Variants in MGAT4C observed in about 807,000 individuals in gnomAD.
MGAT4C encodes the protein MGAT4 family member C.
In MGAT4C, 19 loss-of-function variants were observed where a neutral mutation model predicts 40.1. The observed-to-expected ratio is 0.47, with a 90% CI of 0.33 to 0.70. The LOEUF is 0.70. Ranked by LOEUF, MGAT4C falls within the 30% of genes least tolerant of loss-of-function variation. The pLI is 0.02. For missense variants in MGAT4C, 491 were observed against 563.2 expected (o/e 0.87, Z 1.30); for synonymous variants, 181 against 187.1 (o/e 0.97, Z 0.27).
chr12:86,658,651 C>G (rs1027863488), intron 2 of MGAT4C, among the ~76,000 whole-genome samples: 2 of 152,108 alleles, frequency 1.3e-5, no homozygotes, highest in African/African-American at 2.4e-5. Flanking sequence ...CTCACAAACT[C>G]TCTCTTCTAC....
intron 3 of MGAT4C, among the ~76,000 whole-genome samples, chr12:86,396,754 A>G (rs1192249352): frequency 2.0e-5 from 3 of 152,126 alleles, no homozygotes; most frequent in Non-Finnish European, 2.9e-5. Flanking sequence ...ATAAAATTAG[A>G]AGTAATTGAC....
intron 1 of MGAT4C, among the ~76,000 whole-genome samples, chr12:86,209,135 T>C (rs1225191400): frequency 6.6e-6 from 1 of 152,116 alleles, no homozygotes; most frequent in Non-Finnish European, 1.5e-5. Flanking sequence ...AAATGGATGA[T>C]ATTCTTTGCA....
chr12:86,598,444 A>C (rs1168280144), intron 2 of MGAT4C, among the ~76,000 whole-genome samples: 1 of 152,148 alleles, frequency 6.6e-6, no homozygotes, highest in African/African-American at 2.4e-5. Flanking sequence ...GAAGCAGAGT[A>C]TAGAAACAAA....
intron 1 of MGAT4C, among the ~76,000 whole-genome samples, chr12:86,758,710 T>G (rs1341681828): frequency 1.3e-5 from 2 of 151,996 alleles, no homozygotes; most frequent in African/African-American, 4.8e-5. Flanking sequence ...ATATTAAAAT[T>G]TATATATGGT....
intron 1 of MGAT4C, among the ~76,000 whole-genome samples, chr12:86,739,458 A>G (rs1256195202): frequency 6.6e-6 from 1 of 151,018 alleles, no homozygotes; most frequent in Non-Finnish European, 1.5e-5. Flanking sequence ...GAATATGTAT[A>G]TACAGTTAGC....
chr12:86,591,672 T>C (rs777777639), intron 2 of MGAT4C, among the ~76,000 whole-genome samples: 4 of 151,834 alleles, frequency 2.6e-5, no homozygotes, highest in Non-Finnish European at 5.9e-5. Context: ...GTAATATTTA[T>C]ACCTTTAGTT....
chr12:86,355,539 T>A lies in MGAT4C; in HGVS notation c.-119-21412A>T, dbSNP rs1169929186. On this transcript the variant is annotated intron_variant, in intron 3 of 7. Transcript: ENST00000548651. ...CAAACTGGAGAAAAACAAAGATAAA[T>A]GTAAAACCTTTTAGGCAAGTGGAGA... Among the ~76,000 whole-genome samples, 3 of 152,138 alleles carry A rather than the reference T, an allele frequency of 2.0e-5. No homozygotes were observed. In the East Asian group the frequency reaches 5.8e-4, roughly 29 times the overall value.
intron 1 of MGAT4C, among the ~76,000 whole-genome samples, chr12:86,249,124 G>A (rs1952162193): frequency 6.6e-6 from 1 of 152,056 alleles, no homozygotes; most frequent in Non-Finnish European, 1.5e-5. Context: ...CCTTTCCCTG[G>A]ATTTTCCCAC....
At chr12:86,833,670 G>C (rs1044147377) in intron 1 of MGAT4C, among the ~76,000 whole-genome samples, 4 of 151,788 alleles carry the variant, frequency 2.6e-5, no homozygotes, top group African/African-American at 9.7e-5. Flanking sequence ...TACAAATATA[G>C]TCACATTCTG....
At chr12:86,740,621 G>A (rs554952421) in intron 1 of MGAT4C, among the ~76,000 whole-genome samples, 2 of 151,304 alleles carry the variant, frequency 1.3e-5, no homozygotes, top group South Asian at 4.1e-4. Flanking sequence ...GAATGTCAAT[G>A]TATGTTTTAG....
intron 2 of MGAT4C, among the ~76,000 whole-genome samples, chr12:86,631,886 A>T (rs969930924): frequency 3.9e-5 from 6 of 152,110 alleles, no homozygotes; most frequent in African/African-American, 1.5e-4. Context: ...AATGGCAACA[A>T]AAGCTAAAAT....
chr12:86,830,514 T>C (rs1040198303), intron 1 of MGAT4C, among the ~76,000 whole-genome samples: 1 of 151,820 alleles, frequency 6.6e-6, no homozygotes, highest in African/African-American at 2.4e-5. Flanking sequence ...TTAAAAATCA[T>C]TATTGTTTCT....
intron 1 of MGAT4C, among the ~76,000 whole-genome samples, chr12:86,123,093 T>C (rs1404777720): frequency 1.3e-5 from 2 of 152,310 alleles, no homozygotes; most frequent in African/African-American, 2.4e-5. Flanking sequence ...CTCTGCTGTA[T>C]GTGCTGAATG....
chr12:86,509,682 C>T (rs1486075657), intron 2 of MGAT4C, among the ~76,000 whole-genome samples: 1 of 152,078 alleles, frequency 6.6e-6, no homozygotes, highest in Non-Finnish European at 1.5e-5. Flanking sequence ...ATTGATTCTT[C>T]CTACCCATGA....
chr12:86,569,099 T>C (rs1960257794), intron 2 of MGAT4C, among the ~76,000 whole-genome samples: 1 of 152,002 alleles, frequency 6.6e-6, no homozygotes, highest in Non-Finnish European at 1.5e-5. Context: ...AATATATATA[T>C]ATATTCTTCA....
chr12:86,804,263 T>C (rs1193226647), intron 1 of MGAT4C, among the ~76,000 whole-genome samples: 10 of 109,860 alleles, frequency 9.1e-5, no homozygotes, highest in African/African-American at 3.5e-4. Flanking sequence ...CTGGGGACTG[T>C]AGTGGGGTGG....
intron 1 of MGAT4C, among the ~76,000 whole-genome samples, chr12:86,120,889 G>C (rs56143901): frequency 0.075 from 11,452 of 152,274 alleles, 586 homozygotes; most frequent in Middle Eastern, 0.21. Context: ...GCTGGACAGA[G>C]AATGACTTTG....
chr12:86,486,419 CAA>C (rs1555195225), intron 2 of MGAT4C, among the ~76,000 whole-genome samples: 1 of 136,076 alleles, frequency 7.3e-6, no homozygotes, highest in African/African-American at 2.8e-5. Flanking sequence ...CACACACACA[CAA>C]AAGAGCATGA....
At chr12:86,390,353 T>C (rs1956141467) in intron 3 of MGAT4C, among the ~76,000 whole-genome samples, 1 of 152,184 alleles carries the variant, frequency 6.6e-6, no homozygotes, top group African/African-American at 2.4e-5. Context: ...TTATTTATTA[T>C]CATATTAAAT....
Sources: gnomAD v4.1 joint callset for allele counts (sites outside exome capture counted in the v4.1 genomes callset) on GRCh38, gnomAD v4.1.1 for gene constraint, MANE v1.5 for transcripts, NCBI Gene and HGNC (gene_info 2026-07-23, HGNC 2026-07-21) for gene names.